The following CADM2 variants were observed in gnomAD, a reference collection of about 807,000 sequenced individuals.
CADM2 encodes cell adhesion molecule 2.
CADM2 carries 12 observed loss-of-function variants against 49.8 expected under a neutral mutation model. The ratio of observed to expected loss-of-function variants is 0.24; its 90% CI spans 0.15 to 0.39. The LOEUF (loss-of-function observed/expected upper bound fraction) is 0.39, where lower values mean the gene tolerates loss of function less well. Among genes scored for constraint, CADM2 ranks in the 10% least tolerant of loss-of-function variants. The pLI is 1.00. For synonymous variants in CADM2, 214 were observed against 175.4 expected (o/e 1.22, Z -1.74); for missense variants, 378 against 492.3 (o/e 0.77, Z 2.20).
chr3:85,131,529 A>G (rs1474461559), intron 1 of CADM2, among the ~76,000 whole-genome samples: 5 of 152,202 alleles, frequency 3.3e-5, no homozygotes, highest in Non-Finnish European at 7.3e-5. Flanking sequence ...TACCCCTATA[A>G]TGGAGACAAA....
intron 1 of CADM2, among the ~76,000 whole-genome samples, chr3:85,625,335 G>A (rs562794622): frequency 1.3e-4 from 20 of 151,752 alleles, no homozygotes; most frequent in African/African-American, 3.9e-4. Context: ...CTTCTACTAC[G>A]TATGTTTTTA....
At position 85,734,760 on chromosome 3, in the gene CADM2, A is replaced by T. The variant is rs757025242; in HGVS notation, c.88+8212A>T. Among the ~76,000 whole-genome samples the T allele has an allele frequency of 2.0e-5, 3 of 148,398 alleles. No homozygotes were observed. In the East Asian group the frequency reaches 5.9e-4, roughly 29 times the overall value. On this transcript the variant is annotated intron_variant, in intron 2 of 9. Coordinates refer to ENST00000383699, the MANE Select transcript of CADM2 (RefSeq NM_001167675.2). ...TATGTATACATACATATATGTATAT[A>T]TACATATACATAACTCACCATATGT...
At chr3:85,140,464 A>C (rs2039544277) in intron 1 of CADM2, among the ~76,000 whole-genome samples, 1 of 152,208 alleles carries the variant, frequency 6.6e-6, no homozygotes, top group Non-Finnish European at 1.5e-5. Context: ...GTACATTGGT[A>C]GTATATCTTA....
chr3:85,110,931 T>C (rs376261736), intron 1 of CADM2, among the ~76,000 whole-genome samples: 3 of 151,890 alleles, frequency 2.0e-5, no homozygotes, highest in Non-Finnish European at 2.9e-5. Context: ...TTGACTTCCA[T>C]TGATAACTAT....
At chr3:85,344,158 G>A (rs1168342188) in intron 1 of CADM2, among the ~76,000 whole-genome samples, 3 of 151,754 alleles carry the variant, frequency 2.0e-5, no homozygotes, top group Non-Finnish European at 4.4e-5. Flanking sequence ...GGCAGATCAC[G>A]AAGTCAGGAG....
chr3:85,107,764 A>C (rs2107561502), intron 1 of CADM2, among the ~76,000 whole-genome samples: 1 of 134,978 alleles, frequency 7.4e-6, no homozygotes. Context: ...CAATGGCATG[A>C]TCTCAGCTCA....
At chr3:86,001,682 TA>T (rs1209597245) in intron 8 of CADM2, among the ~76,000 whole-genome samples, 1 of 152,016 alleles carries the variant, frequency 6.6e-6, no homozygotes. Context: ...TGTTGCCAGA[TA>T]AAGGAATACT....
At chr3:85,359,666 A>ATATTTTTTTT in intron 1 of CADM2, among the ~76,000 whole-genome samples, 3 of 26,554 alleles carry the variant, frequency 1.1e-4, no homozygotes, top group East Asian at 1.3e-3. Flanking sequence ...ATATATATAT[A>ATATTTTTTTT]TTTTTTTTTT....
At chr3:86,034,107 T>C (rs1173908616) in intron 8 of CADM2, among the ~76,000 whole-genome samples, 1 of 151,896 alleles carries the variant, frequency 6.6e-6, no homozygotes, top group East Asian at 1.9e-4. Context: ...CCACCATGCT[T>C]ACTACTTACT....
At chr3:85,740,328 C>A (rs2068330296) in intron 2 of CADM2, among the ~76,000 whole-genome samples, 1 of 152,096 alleles carries the variant, frequency 6.6e-6, no homozygotes, top group Non-Finnish European at 1.5e-5. Flanking sequence ...CCTGTAATAG[C>A]ACTTGGTCCA....
intron 5 of CADM2, among the ~76,000 whole-genome samples, chr3:85,897,474 TTAGCCAGGATGGTCTCGATCTCCTG>T (rs1715406845): frequency 6.6e-6 from 1 of 150,414 alleles, no homozygotes; most frequent in South Asian, 2.1e-4. Context: ...TTTCACCTTG[TTAGCCAGGATGGTCTCGATCTCCTG>T]ACCTCATGAT....
intron 1 of CADM2, among the ~76,000 whole-genome samples, chr3:85,500,503 A>G (rs2040072182): frequency 6.6e-6 from 1 of 151,660 alleles, no homozygotes; most frequent in Non-Finnish European, 1.5e-5. Flanking sequence ...CATTTCTGAT[A>G]TATTTTTTCA....
intron 1 of CADM2, among the ~76,000 whole-genome samples, chr3:85,071,353 T>C (rs943442886): frequency 6.6e-6 from 1 of 152,128 alleles, no homozygotes; most frequent in Non-Finnish European, 1.5e-5. Flanking sequence ...CAAGTGCTTA[T>C]AAAATGTGGT....
intron 1 of CADM2, among the ~76,000 whole-genome samples, chr3:85,583,192 C>T (rs1302081976): frequency 2.0e-5 from 3 of 152,090 alleles, no homozygotes; most frequent in Non-Finnish European, 4.4e-5. Flanking sequence ...TATAAGAACT[C>T]GAAAAGCCTG....
chr3:85,334,619 C>T (rs1284896445), intron 1 of CADM2, among the ~76,000 whole-genome samples: 2 of 151,390 alleles, frequency 1.3e-5, no homozygotes, highest in African/African-American at 2.4e-5. Context: ...GCAAAATTTG[C>T]CTAAAACTTA....
intron 2 of CADM2, among the ~76,000 whole-genome samples, chr3:85,778,030 G>A (rs1400197363): frequency 6.6e-6 from 1 of 152,110 alleles, no homozygotes; most frequent in East Asian, 1.9e-4. Flanking sequence ...CTGTGTGAGG[G>A]CAAAGAGAGG....
chr3:85,212,884 T>TCTCTCTCTCTCTCTCTCTCTCTCTCTC lies in CADM2; in HGVS notation c.61+253216_61+253217insCTCTCTCTCTCTCTCTCTCTCTCTCTC, dbSNP rs1237101392. 5.1e-5 allele frequency among the ~76,000 whole-genome samples: 4 copies of TCTCTCTCTCTCTCTCTCTCTCTCTCTC among 78,606 alleles called. No individual in the cohort carries two copies. The Admixed American group carries it at 5.7e-4, about 11-fold the overall frequency. 51.6% of individuals were successfully genotyped at this position (78,606 alleles called of 152,430 possible). A position where few individuals can be genotyped will look rare whatever the true frequency, so the allele number is the denominator to read the frequency against. On this transcript the variant is annotated intron_variant, in intron 1 of 9. Coordinates refer to ENST00000383699, the MANE Select transcript of CADM2 (RefSeq NM_001167675.2). ...TTTCTTTCTTTCTTTCTTTCTTTCT[T>TCTCTCTCTCTCTCTCTCTCTCTCTCTC]TCTCTTTCTTTCTTTTAATGGAGTC...
At chr3:85,948,204 G>A (rs970899118) in intron 7 of CADM2, among the ~76,000 whole-genome samples, 19 of 151,466 alleles carry the variant, frequency 1.3e-4, no homozygotes, top group Non-Finnish European at 2.1e-4. Context: ...ATTGTAGAAA[G>A]TTTGCAGAAA....
intron 1 of CADM2, among the ~76,000 whole-genome samples, chr3:85,366,229 T>C (rs1287336241): frequency 1.3e-5 from 2 of 152,132 alleles, no homozygotes; most frequent in Non-Finnish European, 2.9e-5. Flanking sequence ...TATGGAAAAA[T>C]ACCTTAAATA....
Sources: allele counts gnomAD v4.1 joint callset (sites outside exome capture counted in the v4.1 genomes callset), GRCh38; gene constraint gnomAD v4.1.1; transcripts MANE v1.5; gene names NCBI Gene and HGNC (gene_info 2026-07-23, HGNC 2026-07-21).